Variants in SLC41A3 observed in about 807,000 individuals in gnomAD.
SLC41A3 encodes the protein solute carrier family 41 member 3.
A neutral mutation model predicts 45.4 loss-of-function variants in SLC41A3; 44 were observed. That is an observed-to-expected ratio of 0.97 (90% CI 0.76 to 1.25). The LOEUF (loss-of-function observed/expected upper bound fraction) is 1.25. SLC41A3 is among the 50% of genes most tolerant of loss of function. SLC41A3 has a pLI of 0.00. For synonymous variants in SLC41A3, 256 were observed against 252.4 expected (o/e 1.01, Z -0.13); for missense variants, 550 against 600.6 (o/e 0.92, Z 0.88).
At chr3:126,008,662 T>C in intron 10 of SLC41A3, 70 bp downstream of exon 10, 1 of 1,565,912 alleles carries the variant, frequency 6.4e-7, no homozygotes, top group East Asian at 2.3e-5. Flanking sequence ...AGCCTCTCAC[T>C]CAGACAAGAG....
intron 9 of SLC41A3, among the ~76,000 whole-genome samples, chr3:126,010,001 A>G (rs1231682900): frequency 1.3e-5 from 2 of 152,242 alleles, no homozygotes; most frequent in African/African-American, 4.8e-5. Context: ...AGCCCTAAAC[A>G]TTGTATATAA....
intron 2 of SLC41A3, among the ~76,000 whole-genome samples, chr3:126,061,195 T>C (rs1944047927): frequency 6.6e-6 from 1 of 152,206 alleles, no homozygotes; most frequent in South Asian, 2.1e-4. Flanking sequence ...CTTACAGGCA[T>C]GAATTCTTCC....
chr3:126,019,399 C>T (rs564047707), intron 6 of SLC41A3, among the ~76,000 whole-genome samples: 5 of 152,268 alleles, frequency 3.3e-5, no homozygotes, highest in East Asian at 1.9e-4. Flanking sequence ...GGAACTCATT[C>T]GAACCACAGC....
intron 3 of SLC41A3, among the ~76,000 whole-genome samples, chr3:126,049,072 G>A (rs541023741): frequency 1.3e-5 from 2 of 152,292 alleles, no homozygotes; most frequent in Admixed American, 6.5e-5. Flanking sequence ...AGGCCAAGGC[G>A]GGTGGATCAC....
At chr3:126,036,294 G>A (rs1428842289) in intron 3 of SLC41A3, among the ~76,000 whole-genome samples, 3 of 152,198 alleles carry the variant, frequency 2.0e-5, no homozygotes, top group Non-Finnish European at 4.4e-5. Flanking sequence ...TGCCCTGTAA[G>A]GATGGCATCA....
At chr3:126,056,509 T>C (rs1943675730) in intron 2 of SLC41A3, 3 of 1,614,002 alleles carry the variant, frequency 1.9e-6, no homozygotes, top group African/African-American at 1.3e-5. Context: ...TCGCAGCTTC[T>C]TGCCCTGAAA....
In SLC41A3 at chr3:126,007,329, T is replaced by C. The variant is rs1053491670; in HGVS notation, c.1255-104A>G. Reference sequence around the variant, plus strand: ...AAGGAGAGATACCAAGGTGGACAGGTCAACCCCAGCCAGCCTCCTTCATCC... The same window carrying C: ...AAGGAGAGATACCAAGGTGGACAGGCCAACCCCAGCCAGCCTCCTTCATCC... On this transcript the variant is annotated intron_variant, in intron 10 of 10. Coordinates refer to ENST00000360370, the MANE Select transcript of SLC41A3 (RefSeq NM_017836.4). The C allele has an allele frequency of 5.6e-5, 71 of 1,266,976 alleles. No homozygotes were observed. In the Middle Eastern group the frequency reaches 1.4e-3, roughly 26 times the overall value. 78.5% of individuals were successfully genotyped at this position (1,266,976 alleles called of 1,614,324 possible).
chr3:126,054,046 C>T (rs1943507053), intron 2 of SLC41A3, among the ~76,000 whole-genome samples: 1 of 152,188 alleles, frequency 6.6e-6, no homozygotes, highest in African/African-American at 2.4e-5. Flanking sequence ...AGTCCCCCAG[C>T]TCTCCCCTGC....
At chr3:126,007,892 C>T (rs1939273662) in intron 10 of SLC41A3, among the ~76,000 whole-genome samples, 1 of 152,260 alleles carries the variant, frequency 6.6e-6, no homozygotes, top group African/African-American at 2.4e-5. Context: ...GCCCCAGACC[C>T]ACTGGGGACC....
intron 2 of SLC41A3, among the ~76,000 whole-genome samples, chr3:126,051,716 T>C (rs1328813736): frequency 6.6e-6 from 1 of 152,188 alleles, no homozygotes; most frequent in Non-Finnish European, 1.5e-5. Context: ...CAATTAGATG[T>C]TCCCCTAAAT....
intron 2 of SLC41A3, among the ~76,000 whole-genome samples, chr3:126,066,068 C>T (rs1387552424): frequency 2.6e-5 from 4 of 152,202 alleles, no homozygotes; most frequent in Admixed American, 6.5e-5. Flanking sequence ...ACCTGATTCT[C>T]ACCAACAGAA....
intron 1 of SLC41A3, among the ~76,000 whole-genome samples, chr3:126,071,849 C>A (rs910384848): frequency 1.3e-5 from 2 of 151,386 alleles, no homozygotes; most frequent in Admixed American, 1.3e-4. Context: ...CAGCTCACTG[C>A]AGCTTAGACC....
chr3:126,024,192 T>C (rs138598923), intron 5 of SLC41A3: 3 of 152,350 alleles, frequency 2.0e-5, no homozygotes, highest in African/African-American at 7.2e-5. Flanking sequence ...CCATGGACAA[T>C]ACAGATTTTG....
chr3:126,059,488 C>T (rs1188561783), intron 2 of SLC41A3, among the ~76,000 whole-genome samples: 1 of 152,058 alleles, frequency 6.6e-6, no homozygotes, highest in Non-Finnish European at 1.5e-5. Context: ...CTCTGTATTT[C>T]TCAGAGCTCT....
Position 126,094,118 on chromosome 3 carries a change from G to A in SLC41A3, c.-79+7311C>T, listed in dbSNP as rs569048630. 4.6e-5 allele frequency among the ~76,000 whole-genome samples: 7 copies of A among 152,322 alleles called. No homozygotes were observed. In the South Asian group the frequency reaches 1.0e-3, roughly 23 times the overall value. ...GAGAGATTTATTACAACAATGGGGAGCACAAGTTCTAATTCCAGAACAATT... is the reference window on the plus strand; with the variant it reads ...GAGAGATTTATTACAACAATGGGGAACACAAGTTCTAATTCCAGAACAATT... On this transcript the variant is annotated intron_variant, in intron 1 of 9. Coordinates refer to the SLC41A3 transcript ENST00000508835.
At chr3:126,011,758 G>C (rs1028864911) in intron 9 of SLC41A3, among the ~76,000 whole-genome samples, 2 of 152,192 alleles carry the variant, frequency 1.3e-5, no homozygotes, top group African/African-American at 4.8e-5. Context: ...CATGGAATCA[G>C]AAGGAAGTGG....
chr3:126,026,636 C>T lies in SLC41A3; in HGVS notation c.454-157G>A, dbSNP rs1372030382. Reference sequence around the variant, plus strand: ...TCACAGGCCCTCACCCCAGGAAAAACTAATACCACACCCCACACCTGCCTT... The same window carrying T: ...TCACAGGCCCTCACCCCAGGAAAAATTAATACCACACCCCACACCTGCCTT... On this transcript the variant is annotated intron_variant, in intron 4 of 10. Transcript: ENST00000360370. The surrounding 1 kb of genome is among the most constrained non-coding windows in gnomAD (Gnocchi z 4.2). Among the ~76,000 whole-genome samples the T allele has an allele frequency of 1.3e-5, 2 of 152,172 alleles. No individual in the cohort carries two copies. Among genetic ancestry groups the T allele is most frequent in the African/African-American group, 4.8e-5 (2 of 41,440 alleles).
At chr3:126,030,082 A>T (rs572753123) in intron 4 of SLC41A3, among the ~76,000 whole-genome samples, 10 of 147,030 alleles carry the variant, frequency 6.8e-5, no homozygotes, top group African/African-American at 2.2e-4. Context: ...AAAATAAAAT[A>T]AATATAATAC....
chr3:126,101,225 T>C (rs2108147936), intron 1 of SLC41A3, among the ~76,000 whole-genome samples: 1 of 152,336 alleles, frequency 6.6e-6, no homozygotes. Context: ...AGGGTGCATG[T>C]TGGAAACCGC....
Sources: gnomAD v4.1 joint callset for allele counts (sites outside exome capture counted in the v4.1 genomes callset) on GRCh38, gnomAD v4.1.1 for gene constraint, Gnocchi (gnomAD v3.1) non-coding constraint, MANE v1.5 for transcripts, NCBI Gene and HGNC (gene_info 2026-07-23, HGNC 2026-07-21) for gene names.